KIF13A: variants seen among roughly 807,000 people sequenced by gnomAD.
KIF13A encodes kinesin-like protein KIF13A.
KIF13A carries 79 observed loss-of-function variants against 212.2 expected under a neutral mutation model. That is an observed-to-expected ratio of 0.37 (90% CI 0.31 to 0.45). The LOEUF (loss-of-function observed/expected upper bound fraction) is 0.45, where lower values mean the gene tolerates loss of function less well. KIF13A is among the 20% of genes least tolerant of loss of function. The pLI is 1.00. For missense variants in KIF13A, 1,901 were observed against 2,209.0 expected (o/e 0.86, Z 2.79); for synonymous variants, 789 against 808.6 (o/e 0.98, Z 0.41).
intron 2 of KIF13A, among the ~76,000 whole-genome samples, chr6:17,957,491 CTG>C (rs1326836831): frequency 6.6e-6 from 1 of 152,186 alleles, no homozygotes; most frequent in African/African-American, 2.4e-5. Context: ...CCCCTGAGTT[CTG>C]TGAGCCTCTC....
intron 20 of KIF13A, among the ~76,000 whole-genome samples, chr6:17,800,850 C>T (rs994550548): frequency 5.3e-5 from 8 of 151,956 alleles, no homozygotes; most frequent in African/African-American, 7.3e-5. Flanking sequence ...CCACCCGCCT[C>T]GGCCTCCCAA....
At chr6:17,908,499 G>A (rs184833198) in intron 2 of KIF13A, among the ~76,000 whole-genome samples, 273 of 152,256 alleles carry the variant, frequency 1.8e-3, no homozygotes, top group Admixed American at 2.8e-3. Context: ...AGCTATTCAG[G>A]AGGCTGAGGT....
chr6:17,826,318 C>A lies in KIF13A; in HGVS notation c.1533-194G>T, dbSNP rs1167747371. On this transcript the variant is annotated intron_variant, in intron 14 of 38. Coordinates refer to ENST00000259711, the MANE Select transcript of KIF13A (RefSeq NM_022113.6). The surrounding 1 kb of genome is among the most constrained non-coding windows in gnomAD (Gnocchi z 4.7). ...CCATGAGGACCAAGGGCTGCCAACA[C>A]CCCTCAGAGAATGACAACCTAACAT... Among the ~76,000 whole-genome samples the A allele has an allele frequency of 3.9e-5, 6 of 152,330 alleles. No individual in the cohort carries two copies. The South Asian group carries it at 6.2e-4, about 16-fold the overall frequency.
Position 17,871,844 on chromosome 6 carries a change from A to G in KIF13A, c.220+1533T>C, listed in dbSNP as rs1379234435. Among the ~76,000 whole-genome samples, 1 of 152,240 alleles carries G rather than the reference A, an allele frequency of 6.6e-6. No homozygotes were observed. Among genetic ancestry groups the G allele is most frequent in the Non-Finnish European group, 1.5e-5 (1 of 68,046 alleles). On this transcript the variant is annotated intron_variant, in intron 4 of 38. Coordinates refer to ENST00000259711, the MANE Select transcript of KIF13A (RefSeq NM_022113.6). This position sits in a 1 kb window ranked among gnomAD's most constrained non-coding sequence, Gnocchi z 4.4. ...GAGTAACATAAATTGAACACGGTTA[A>G]TGACGGGTTTGTATAACCATAGCAT... is the stretch of plus-strand genomic sequence containing the variant.
Position 17,821,892 on chromosome 6 carries a change from T to G in KIF13A, c.1786+3876A>C, listed in dbSNP as rs201257361. 2.6e-6 allele frequency: 4 copies of G among 1,535,318 alleles called. No homozygotes were observed. In the South Asian group the frequency reaches 3.6e-5, roughly 14 times the overall value. ...ATGACCACCAGGCAGACAGGCTTAT[T>G]ATCGGGAAGCCACCTAGCAGTAGAG... is the stretch of plus-strand genomic sequence containing the variant. On this transcript the variant is annotated intron_variant, in intron 16 of 38. Transcript: ENST00000259711.
chr6:17,802,521 C>A (rs926784247), intron 20 of KIF13A, among the ~76,000 whole-genome samples: 3 of 151,818 alleles, frequency 2.0e-5, no homozygotes, highest in Non-Finnish European at 2.9e-5. Flanking sequence ...AACACCGGAC[C>A]TCAGGTGATC....
At chr6:17,940,164 T>TTCC (rs145026644) in intron 2 of KIF13A, among the ~76,000 whole-genome samples, 4,980 of 151,872 alleles carry the variant, frequency 0.033, 184 homozygotes, top group African/African-American at 0.086. Flanking sequence ...CTTCTTTCCT[T>TTCC]TCCTCCTCCT....
At chr6:17,876,658 GAGAC>G (rs1198169806) in intron 3 of KIF13A, among the ~76,000 whole-genome samples, 2 of 118,688 alleles carry the variant, frequency 1.7e-5, no homozygotes, top group Admixed American at 8.0e-5. Flanking sequence ...CATTCATTCA[GAGAC>G]AGGGTCTCCC....
intron 4 of KIF13A, among the ~76,000 whole-genome samples, chr6:17,862,591 G>C (rs1448137168): frequency 6.6e-6 from 1 of 151,852 alleles, no homozygotes; most frequent in African/African-American, 2.4e-5. Flanking sequence ...TCTCTTGAGG[G>C]CAGGAGCTCA....
At chr6:17,796,942 T>C in intron 22 of KIF13A, 122 bp from the exon 23 acceptor site, 2 of 510,434 alleles carry the variant, frequency 3.9e-6, no homozygotes, top group South Asian at 1.8e-4. Flanking sequence ...CTTAAATCCG[T>C]CTCTTCTGTT....
intron 18 of KIF13A, among the ~76,000 whole-genome samples, chr6:17,806,217 G>A (rs1762936692): frequency 1.3e-5 from 2 of 152,156 alleles, no homozygotes; most frequent in South Asian, 2.1e-4. Context: ...ACAGGCGTGA[G>A]CCACCAGGCC....
chr6:17,821,793 C>T, intron 16 of KIF13A: 1 of 1,535,286 alleles, frequency 6.5e-7, no homozygotes, highest in Non-Finnish European at 8.7e-7. Context: ...AACCTTTATC[C>T]CAGTGTTTGT....
chr6:17,949,064 A>T (rs1487323533), intron 2 of KIF13A, among the ~76,000 whole-genome samples: 1 of 152,190 alleles, frequency 6.6e-6, no homozygotes, highest in Non-Finnish European at 1.5e-5. Context: ...ATCTAAAGAA[A>T]AATAAGATCA....
chr6:17,823,860 C>A (rs370359711), intron 16 of KIF13A, among the ~76,000 whole-genome samples: 2 of 152,136 alleles, frequency 1.3e-5, no homozygotes, highest in East Asian at 3.9e-4. Flanking sequence ...GTCTCGGCCT[C>A]CCAAAGTGCT....
intron 3 of KIF13A, among the ~76,000 whole-genome samples, chr6:17,877,889 C>G (rs1770713781): frequency 6.6e-6 from 1 of 152,116 alleles, no homozygotes; most frequent in Non-Finnish European, 1.5e-5. Context: ...ATTTACTGAG[C>G]ATGACTACAA....
chr6:17,815,613 A>G, intron 17 of KIF13A: 1 of 441,998 alleles, frequency 2.3e-6, no homozygotes, highest in Non-Finnish European at 4.6e-6. Context: ...CTATCTCTGT[A>G]TGGCTGGTTT....
At chr6:17,893,697 A>G (rs1282005184) in intron 3 of KIF13A, among the ~76,000 whole-genome samples, 1 of 152,150 alleles carries the variant, frequency 6.6e-6, no homozygotes, top group Admixed American at 6.5e-5. Flanking sequence ...TTACTATTAC[A>G]TAGGATGTCA....
At position 17,794,732 on chromosome 6, in the gene KIF13A, A is replaced by G; in HGVS notation, c.2943-28T>C. On this transcript the variant is annotated intron_variant, in intron 23 of 38. Coordinates refer to ENST00000259711, the MANE Select transcript of KIF13A (RefSeq NM_022113.6). This position sits in a 1 kb window ranked among gnomAD's most constrained non-coding sequence, Gnocchi z 4.1. ...GCAGAAACACATTCCAACAAGCAAG[A>G]GCGTCATCGTCCAGGGATACTGTTA... The G allele has an allele frequency of 1.3e-6, 2 of 1,599,578 alleles. No individual in the cohort carries two copies. The highest frequency in any genetic ancestry group is 2.2e-5 in the East Asian group (1 of 44,856).
At chr6:17,818,249 T>C (rs1350416880) in intron 16 of KIF13A, among the ~76,000 whole-genome samples, 1 of 152,196 alleles carries the variant, frequency 6.6e-6, no homozygotes, top group Non-Finnish European at 1.5e-5. Context: ...TTGCCTGCTA[T>C]TCAGTGCCAT....
Sources: gnomAD v4.1 joint callset for allele counts (sites outside exome capture counted in the v4.1 genomes callset) on GRCh38, gnomAD v4.1.1 for gene constraint, Gnocchi (gnomAD v3.1) non-coding constraint, MANE v1.5 for transcripts, NCBI Gene and HGNC (gene_info 2026-07-23, HGNC 2026-07-21) for gene names.